SLC38A12: variants seen among roughly 807,000 people sequenced by gnomAD.
The protein encoded by SLC38A12 is solute carrier family 38 member 12, also known as putative sodium-coupled neutral amino acid transporter 12.
chr17:74,812,341 C>T, the SLC38A12 span, among the ~76,000 whole-genome samples: 1 of 152,188 alleles, frequency 6.6e-6, no homozygotes, highest in Non-Finnish European at 1.5e-5. Context: ...CCTCAGAACT[C>T]ACCTTCGTGT....
the SLC38A12 span, among the ~76,000 whole-genome samples, chr17:74,824,006 T>G: frequency 6.6e-6 from 1 of 152,228 alleles, no homozygotes; most frequent in Non-Finnish European, 1.5e-5. Context: ...CAGCATCATC[T>G]TGGTCAGCTG....
the SLC38A12 span, among the ~76,000 whole-genome samples, chr17:74,816,535 G>A: frequency 6.6e-6 from 1 of 152,190 alleles, no homozygotes; most frequent in Non-Finnish European, 1.5e-5. Flanking sequence ...CTGCTGTGGG[G>A]CCCCTGGTGT....
At chr17:74,814,867 C>T in the SLC38A12 span, among the ~76,000 whole-genome samples, 1 of 152,192 alleles carries the variant, frequency 6.6e-6, no homozygotes, top group African/African-American at 2.4e-5. Flanking sequence ...AAAATCAACC[C>T]AAGAGAAAGC....
At chr17:74,827,180 G>C in the SLC38A12 span, among the ~76,000 whole-genome samples, 1 of 152,114 alleles carries the variant, frequency 6.6e-6, no homozygotes, top group Non-Finnish European at 1.5e-5. The surrounding 1 kb of genome is among the most constrained non-coding windows in gnomAD (Gnocchi z 4.7). Flanking sequence ...AGGGGCAATG[G>C]GTTTCTGCAA....
chr17:74,787,219 T>C, the SLC38A12 span, among the ~76,000 whole-genome samples: 1 of 152,132 alleles, frequency 6.6e-6, no homozygotes, highest in Non-Finnish European at 1.5e-5. Flanking sequence ...AAGTGACCCC[T>C]CTGCCTCCTG....
chr17:74,794,635 C>T, the SLC38A12 span, among the ~76,000 whole-genome samples: 3 of 151,828 alleles, frequency 2.0e-5, no homozygotes, highest in Non-Finnish European at 4.4e-5. Flanking sequence ...CCAGAGGGGG[C>T]CCCAGCCCAG....
the SLC38A12 span, chr17:74,785,630 AG>A: frequency 6.2e-7 from 1 of 1,607,592 alleles, no homozygotes; most frequent in Non-Finnish European, 8.5e-7. Context: ...ACTTCCCCAC[AG>A]GGGCCAGGAG....
chr17:74,837,336 C>T, the SLC38A12 span: 86 of 985,518 alleles, frequency 8.7e-5, no homozygotes, highest in African/African-American at 4.4e-4. Context: ...GCTGTGGGCG[C>T]GAGCTCCGGA....
At chr17:74,809,128 T>C in the SLC38A12 span, among the ~76,000 whole-genome samples, 1 of 152,300 alleles carries the variant, frequency 6.6e-6, no homozygotes, top group South Asian at 2.1e-4. Flanking sequence ...ACTAAGAAAT[T>C]GAGCATGTCA....
At chr17:74,779,844 C>T in the SLC38A12 span, among the ~76,000 whole-genome samples, 2 of 152,208 alleles carry the variant, frequency 1.3e-5, no homozygotes, top group African/African-American at 2.4e-5. Flanking sequence ...CAAGGATGTT[C>T]GCTTTAGCTT....
chr17:74,803,221 C>T, the SLC38A12 span, among the ~76,000 whole-genome samples: 3 of 152,130 alleles, frequency 2.0e-5, no homozygotes, highest in Non-Finnish European at 2.9e-5. Context: ...TTCAGGAGCC[C>T]TTCTCTTGTG....
the SLC38A12 span, among the ~76,000 whole-genome samples, chr17:74,832,965 T>C: frequency 6.6e-6 from 1 of 152,252 alleles, no homozygotes; most frequent in Non-Finnish European, 1.5e-5. Flanking sequence ...GAGGTGAAAC[T>C]AATTATGGCT....
the SLC38A12 span, among the ~76,000 whole-genome samples, chr17:74,821,790 G>C: frequency 6.6e-6 from 1 of 152,158 alleles, no homozygotes; most frequent in Non-Finnish European, 1.5e-5. Flanking sequence ...AGCCACATCT[G>C]TAGCCCCAAA....
the SLC38A12 span, among the ~76,000 whole-genome samples, chr17:74,813,403 GA>G: frequency 6.6e-6 from 1 of 152,252 alleles, no homozygotes; most frequent in Non-Finnish European, 1.5e-5. Flanking sequence ...GAGTTGCACA[GA>G]AAGTTCTTAG....
the SLC38A12 span, chr17:74,790,171 T>G: frequency 6.3e-7 from 1 of 1,579,068 alleles, no homozygotes; most frequent in Non-Finnish European, 8.7e-7. Flanking sequence ...TTTTCCTCCC[T>G]CCTCCTCGTC....
the SLC38A12 span, among the ~76,000 whole-genome samples, chr17:74,790,012 GTT>G: frequency 6.7e-6 from 1 of 148,652 alleles, no homozygotes; most frequent in East Asian, 1.9e-4. Context: ...GGAGTGCAGT[GTT>G]GCAATCACGG....
At chr17:74,809,789 T>TC in the SLC38A12 span, among the ~76,000 whole-genome samples, 1 of 152,138 alleles carries the variant, frequency 6.6e-6, no homozygotes, top group African/African-American at 2.4e-5. Context: ...GGTTTCTTTC[T>TC]CCCTGAAATC....
At chr17:74,805,162 G>A in the SLC38A12 span, among the ~76,000 whole-genome samples, 1 of 152,376 alleles carries the variant, frequency 6.6e-6, no homozygotes, top group Non-Finnish European at 1.5e-5. The surrounding 1 kb of genome is among the most constrained non-coding windows in gnomAD (Gnocchi z 5.0). Context: ...GTCTCCCGGG[G>A]AGAGGCCTAC....
At chr17:74,814,548 G>A in the SLC38A12 span, among the ~76,000 whole-genome samples, 1 of 152,232 alleles carries the variant, frequency 6.6e-6, no homozygotes, top group African/African-American at 2.4e-5. Context: ...CAATTCCTCA[G>A]CTGCGTTGGG....
Sources: gnomAD v4.1 joint callset for allele counts (sites outside exome capture counted in the v4.1 genomes callset) on GRCh38, gnomAD v4.1.1 for gene constraint, Gnocchi (gnomAD v3.1) non-coding constraint, MANE v1.5 for transcripts, NCBI Gene and HGNC (gene_info 2026-07-23, HGNC 2026-07-21) for gene names.